The following UBAC1 variants were observed in gnomAD, a reference collection of about 807,000 sequenced individuals.
UBAC1 encodes the protein UBA domain containing 1, also known as ubiquitin-associated domain-containing protein 1.
In UBAC1, 27 loss-of-function variants were observed where a neutral mutation model predicts 45.9. The ratio of observed to expected loss-of-function variants is 0.59; its 90% CI spans 0.43 to 0.81. The LOEUF is 0.81. Ranked by LOEUF, UBAC1 falls within the 30% of genes least tolerant of loss-of-function variation. The pLI is 0.00. For synonymous variants in UBAC1, 227 were observed against 215.5 expected, an observed-to-expected ratio of 1.05 and a Z score of -0.47; for missense variants, 529 against 539.2, an observed-to-expected ratio of 0.98 and a Z score of 0.19.
intron 6 of UBAC1, chr9:135,945,505 G>A: frequency 1.9e-6 from 1 of 517,590 alleles, no homozygotes; most frequent in East Asian, 3.1e-5. Context: ...TATCTGCTGA[G>A]GGCTTAGATA....
At chr9:135,958,233 A>G (rs967405066) in intron 1 of UBAC1, among the ~76,000 whole-genome samples, 4 of 151,842 alleles carry the variant, frequency 2.6e-5, no homozygotes, top group Non-Finnish European at 4.4e-5. Context: ...ATTTTTAGTA[A>G]AGATGGGGTT....
Position 135,945,605 on chromosome 9 carries a change from A to G in UBAC1, c.653+284T>C, listed in dbSNP as rs1839321796. 7.5e-6 allele frequency: 4 copies of G among 534,104 alleles called. No homozygotes were observed. The South Asian group carries it at 1.1e-4, about 15-fold the overall frequency. The allele number at this position is 534,104 out of a possible 1,614,324, so 33.1% of individuals were successfully genotyped here. ...CACAGAAGCAGGGCAAGTAACTCAC[A>G]CGGGAATCCTGAGAAGACTGTTAGA... On this transcript the variant is annotated intron_variant, in intron 6 of 9. Transcript: ENST00000371756.
chr9:135,961,309 G>C lies in UBAC1; in HGVS notation c.-147C>G. ...CCCGGCTCCCGTCGGCCGGGCCGCC[G>C]TCACTCTCCGCGGCCTCAGCGGTCG... On this transcript the variant is annotated 5_prime_UTR_variant, in exon 1 of 10. Transcript: ENST00000371756. 1 of 597,474 alleles carries C rather than the reference G, an allele frequency of 1.7e-6. No homozygotes were observed. The highest frequency in any genetic ancestry group is 2.1e-6 in the Non-Finnish European group (1 of 466,308). 37.0% of individuals were successfully genotyped at this position (597,474 alleles called of 1,614,324 possible).
intron 3 of UBAC1, 55 bp downstream of exon 3, chr9:135,953,625 C>A: frequency 1.3e-6 from 2 of 1,520,872 alleles, no homozygotes; most frequent in Non-Finnish European, 1.8e-6. Context: ...GCCTGTAATT[C>A]TTAAATGTAG....
Position 135,945,086 on chromosome 9 carries a change from T to C in UBAC1, c.818A>G (p.Glu273Gly), listed in dbSNP as rs1200366530. The C allele has an allele frequency of 5.6e-6, 9 of 1,607,732 alleles. No individual in the cohort carries two copies. Residue 273 changes from glutamate (E) to glycine (G), a missense_variant, in exon 7 of 10, where the codon GAG becomes GGG. Coordinates refer to ENST00000371756, the MANE Select transcript of UBAC1 (RefSeq NM_016172.3). ...GATCTTCTTGAAGATTTCCGTCAGC[T>C]CATCTCTGGCCTCCTCATCGGTGGC... The part of the protein sequence containing the change: ...ASATDEEARD[E>G]LTEIFKKIRR...
chr9:135,958,701 C>T (rs776871746), intron 1 of UBAC1, among the ~76,000 whole-genome samples: 2 of 152,192 alleles, frequency 1.3e-5, no homozygotes, highest in African/African-American at 2.4e-5. Context: ...ATCCAGGGAC[C>T]GGCTTCCAGA....
chr9:135,947,302 A>G (rs1588533664), intron 4 of UBAC1, among the ~76,000 whole-genome samples: 1 of 151,584 alleles, frequency 6.6e-6, no homozygotes. Flanking sequence ...CCGAGGCTGG[A>G]GTACGATGAT....
intron 1 of UBAC1, among the ~76,000 whole-genome samples, chr9:135,956,808 C>A (rs1027428963): frequency 2.6e-5 from 4 of 152,256 alleles, no homozygotes; most frequent in Admixed American, 2.0e-4. Context: ...CTTGCTCTTA[C>A]AGATCCCCTG....
At chr9:135,954,674 T>C (rs1839445295) in intron 2 of UBAC1, among the ~76,000 whole-genome samples, 1 of 152,178 alleles carries the variant, frequency 6.6e-6, no homozygotes. Context: ...TCTGAAAAAG[T>C]CTGTGAGGGT....
chr9:135,934,575 G>GC (rs1334077715), intron 9 of UBAC1, among the ~76,000 whole-genome samples: 1 of 152,204 alleles, frequency 6.6e-6, no homozygotes, highest in African/African-American at 2.4e-5. Flanking sequence ...CAGGAGAATA[G>GC]CATGAACCAG....
chr9:135,956,301 G>A (rs1312126597), intron 1 of UBAC1, among the ~76,000 whole-genome samples: 2 of 152,238 alleles, frequency 1.3e-5, no homozygotes, highest in African/African-American at 4.8e-5. Context: ...GCTGGCAGGG[G>A]TAGATCCTGC....
In UBAC1 at chr9:135,938,269, T is replaced by C; in HGVS notation, c.1055A>G (p.Asp352Gly). 2 of 1,614,204 alleles carry C rather than the reference T, an allele frequency of 1.2e-6. No individual in the cohort carries two copies. Among genetic ancestry groups the C allele is most frequent in the African/African-American group, 2.7e-5 (2 of 75,060 alleles). ...PDSPLFQAIL[D>G]NPVVQLGLTN... ...CAGGCCCAGCTGCACCACCGGGTTA[T>C]CCAGGATGGCCTGAAAGAGAGGACT... Residue 352 changes from aspartate to glycine, a missense_variant, in exon 9 of 10, where the codon GAT becomes GGT. By Grantham distance (94) the Asp-to-Gly change is moderately conservative. Transcript: ENST00000371756.
At chr9:135,936,208 T>C (rs555848547) in intron 9 of UBAC1, among the ~76,000 whole-genome samples, 9 of 152,002 alleles carry the variant, frequency 5.9e-5, no homozygotes, top group African/African-American at 1.4e-4. Context: ...GAAAAAGTTA[T>C]TGGACAGACC....
At chr9:135,953,119 CTCTG>C (rs1370782551) in intron 3 of UBAC1, among the ~76,000 whole-genome samples, 1 of 152,174 alleles carries the variant, frequency 6.6e-6, no homozygotes, top group Non-Finnish European at 1.5e-5. Flanking sequence ...CTACCCTCCT[CTCTG>C]TCTCAGAAAA....
chr9:135,933,161 T>C lies in UBAC1; in HGVS notation c.*239A>G. 2.0e-6 allele frequency: 1 copy of C among 499,112 alleles called. No individual in the cohort carries two copies. The allele number at this position is 499,112 out of a possible 1,614,324, so 30.9% of individuals were successfully genotyped here. On this transcript the variant is annotated 3_prime_UTR_variant, in exon 10 of 10. Coordinates refer to ENST00000371756, the MANE Select transcript of UBAC1 (RefSeq NM_016172.3). ...ACTGGAGACGAGGCCATCACTCCAC[T>C]TCCCAGTGCGACAACCACTTTTTTG...
chr9:135,947,842 A>T lies in UBAC1; in HGVS notation c.397T>A (p.Ser133Thr), dbSNP rs1343631213. The T allele has an allele frequency of 1.9e-6, 3 of 1,613,990 alleles. No homozygotes were observed. The highest frequency in any genetic ancestry group is 2.5e-6 in the Non-Finnish European group (3 of 1,180,014). Residue 133 changes from serine (S) to threonine (T), a missense_variant, in exon 4 of 10, where the codon TCC becomes ACC. Transcript: ENST00000371756. ...ACCGCGGCCCGGTCCATGTTGTAGG[A>T]GGGCAGGTTGGCGGTGGCCCGCAGT... ...AILRATANLPSYNMDRAAVQT... is the reference protein window; with the variant it reads ...AILRATANLPTYNMDRAAVQT...
intron 3 of UBAC1, 76 bp downstream of exon 3, chr9:135,953,604 C>G: frequency 4.4e-6 from 6 of 1,352,422 alleles, no homozygotes; most frequent in Non-Finnish European, 6.2e-6. Flanking sequence ...AGGCGCGAGC[C>G]ACTGTACCCA....
intron 9 of UBAC1, among the ~76,000 whole-genome samples, chr9:135,936,462 G>A (rs768375719): frequency 6.6e-6 from 1 of 151,238 alleles, no homozygotes; most frequent in Admixed American, 6.6e-5. Flanking sequence ...AAAGGAAAAC[G>A]TGTTTCTGAC....
Position 135,961,264 on chromosome 9 carries a change from T to TCGCTGGGC in UBAC1, c.-110_-103dup. The TCGCTGGGC allele has an allele frequency of 9.4e-7, 1 of 1,063,448 alleles. No homozygotes were observed. The highest frequency in any genetic ancestry group is 1.2e-6 in the Non-Finnish European group (1 of 858,708). The allele number at this position is 1,063,448 out of a possible 1,614,324, so 65.9% of individuals were successfully genotyped here. On this transcript the variant is annotated 5_prime_UTR_variant, in exon 1 of 10. Coordinates refer to ENST00000371756, the MANE Select transcript of UBAC1 (RefSeq NM_016172.3). ...GGGGCCAGACCGCCCGCGCGCTCCT[T>TCGCTGGGC]CGCTGGGCCGCCGCCCCGCCCCGGC...
Sources: gnomAD v4.1 joint callset for allele counts (sites outside exome capture counted in the v4.1 genomes callset) on GRCh38, gnomAD v4.1.1 for gene constraint, MANE v1.5 for transcripts, NCBI Gene and HGNC (gene_info 2026-07-23, HGNC 2026-07-21) for gene names.